Variants in CDH2 observed in about 807,000 individuals in gnomAD.
CDH2 encodes cadherin-2.
CDH2 carries 17 observed loss-of-function variants against 92.0 expected under a neutral mutation model. The observed-to-expected ratio is 0.18, with a 90% CI of 0.13 to 0.28. The LOEUF (loss-of-function observed/expected upper bound fraction) is 0.28, where lower values mean the gene tolerates loss of function less well. Among genes scored for constraint, CDH2 ranks in the 10% least tolerant of loss-of-function variants. The pLI, the probability that CDH2 is intolerant of heterozygous loss-of-function variation, is 1.00. For missense variants in CDH2, 862 were observed against 1,133.1 expected (o/e 0.76, Z 3.44); for synonymous variants, 419 against 415.9 (o/e 1.01, Z -0.09).
intron 6 of CDH2, among the ~76,000 whole-genome samples, chr18:27,934,244 G>A (rs1032996741): frequency 1.2e-4 from 18 of 152,188 alleles, no homozygotes; most frequent in Admixed American, 3.3e-4. Context: ...ATTTTAGGTC[G>A]TTTATGCTGC....
In CDH2 at chr18:27,990,198, G is replaced by A; in HGVS notation, c.1497C>T (p.Pro499=). Reference sequence around the variant, plus strand: ...CTTCTTGGCGAATGATCTTAGGATTGGGGGCAAAATAAGGGTTTTCATTTA... The same window carrying A: ...CTTCTTGGCGAATGATCTTAGGATTAGGGGCAAAATAAGGGTTTTCATTTA... The part of the protein sequence containing the change: ...IDVNENPYFA[P]NPKIIRQEEG... Residue 499 remains proline, a synonymous_variant, in exon 10 of 16, where the codon CCC becomes CCT. Transcript: ENST00000269141. 6.2e-7 allele frequency: 1 copy of A among 1,614,074 alleles called. No homozygotes were observed. Among genetic ancestry groups the A allele is most frequent in the Non-Finnish European group, 8.5e-7 (1 of 1,179,962 alleles).
intron 1 of CDH2, among the ~76,000 whole-genome samples, chr18:28,157,037 G>T (rs1210109083): frequency 1.3e-5 from 2 of 152,198 alleles, no homozygotes; most frequent in African/African-American, 4.8e-5. Flanking sequence ...GATGCTTAAT[G>T]TAACAGGTAG....
chr18:28,018,950 G>T (rs1373488302), intron 2 of CDH2, among the ~76,000 whole-genome samples: 1 of 150,932 alleles, frequency 6.6e-6, no homozygotes, highest in Non-Finnish European at 1.5e-5. Flanking sequence ...TGCACACCAC[G>T]GGATACTACT....
intron 7 of CDH2, among the ~76,000 whole-genome samples, chr18:27,995,875 C>T (rs1187458666): frequency 6.6e-6 from 1 of 152,060 alleles, no homozygotes; most frequent in Non-Finnish European, 1.5e-5. Context: ...ATTGCTAAAA[C>T]ATTCTTATAT....
intron 2 of CDH2, among the ~76,000 whole-genome samples, chr18:28,051,171 T>A (rs2014183313): frequency 6.6e-6 from 1 of 152,130 alleles, no homozygotes; most frequent in South Asian, 2.1e-4. Flanking sequence ...TATATTATTG[T>A]TAATATTTCT....
At chr18:28,062,731 T>C (rs1359134013) in intron 2 of CDH2, among the ~76,000 whole-genome samples, 1 of 152,182 alleles carries the variant, frequency 6.6e-6, no homozygotes, top group African/African-American at 2.4e-5. Flanking sequence ...CCCAGCACTT[T>C]AGAAGTCCAA....
chr18:28,003,167 T>C lies in CDH2; in HGVS notation c.850A>G (p.Thr284Ala). ...GTVPEGSKPG[T>A]YVMTVTAIDA... ...ATTGCTGTTACGGTCATCACATATG[T>C]TCCTAGAGACAGTGTACATGGAAAA... Residue 284 changes from threonine (T) to alanine (A), a missense_variant and splice_region_variant, in exon 7 of 16, where the codon ACA (threonine) becomes GCA (alanine). Thr to Ala is a moderately conservative substitution (Grantham distance 58). This residue lies in a region of CDH2 where 564 missense variants were observed against 722.2 expected (regional missense o/e 0.78). Transcript: ENST00000269141. 1 of 1,613,072 alleles carries C rather than the reference T, an allele frequency of 6.2e-7. No homozygotes were observed. The highest frequency in any genetic ancestry group is 2.2e-5 in the East Asian group (1 of 44,832).
At chr18:28,099,127 G>A (rs1229583807) in intron 2 of CDH2, among the ~76,000 whole-genome samples, 1 of 152,036 alleles carries the variant, frequency 6.6e-6, no homozygotes, top group African/African-American at 2.4e-5. Flanking sequence ...TGACATATCT[G>A]ATTACCTATT....
At chr18:28,112,652 T>C (rs994647966) in intron 2 of CDH2, among the ~76,000 whole-genome samples, 1 of 152,194 alleles carries the variant, frequency 6.6e-6, no homozygotes. Flanking sequence ...TGTAGGCTCT[T>C]ATAAATATCT....
chr18:27,985,192 C>G lies in CDH2; in HGVS notation c.2017G>C (p.Ala673Pro). The stretch of plus-strand genomic sequence containing the variant: ...ATGATGGGAACTTCATAGATACCAG[C>G]TTCAAGAAATTTTATCTTTAAATTA... ...QLNLKIKFLE[A>P]GIYEVPIIIT... Residue 673 changes from alanine (A) to proline (P), a missense_variant, in exon 13 of 16, where the codon GCT becomes CCT. This residue lies in a region of CDH2 where 564 missense variants were observed against 722.2 expected (regional missense o/e 0.78). Transcript: ENST00000269141. 6.2e-7 allele frequency: 1 copy of G among 1,612,926 alleles called. No homozygotes were observed. The highest frequency in any genetic ancestry group is 8.5e-7 in the Non-Finnish European group (1 of 1,178,978).
chr18:28,034,957 C>G (rs776031281), intron 2 of CDH2, among the ~76,000 whole-genome samples: 1 of 151,882 alleles, frequency 6.6e-6, no homozygotes, highest in Non-Finnish European at 1.5e-5. Context: ...TTTGGAACTA[C>G]CTAATAAGGA....
chr18:28,003,417 T>C lies in CDH2; in HGVS notation c.848-248A>G, dbSNP rs189234574. Among the ~76,000 whole-genome samples the C allele has an allele frequency of 3.3e-5, 5 of 152,318 alleles. 1 individual carries two copies. The highest frequency in any genetic ancestry group is 3.3e-4 in the Admixed American group (5 of 15,302). On this transcript the variant is annotated intron_variant, in intron 6 of 15. Transcript: ENST00000269141. The stretch of plus-strand genomic sequence containing the variant: ...TATTTATAAAAACTCAATTTTTCCA[T>C]AACTTAGAAGATAAATTCACTTTAT...
intron 2 of CDH2, among the ~76,000 whole-genome samples, chr18:28,122,375 C>T (rs1195211772): frequency 1.3e-5 from 2 of 152,094 alleles, no homozygotes; most frequent in Middle Eastern, 6.3e-3. Context: ...ACAGCAGGTG[C>T]TGCCTTTTTT....
chr18:28,156,422 A>AATGTCACCTTCCCAGGTACAGC (rs1568020378), intron 1 of CDH2, among the ~76,000 whole-genome samples: 21 of 118,470 alleles, frequency 1.8e-4, no homozygotes, highest in African/African-American at 6.3e-4. Context: ...CCAGGTACAG[A>AATGTCACCTTCCCAGGTACAGC]ATGTCACCTT....
intron 6 of CDH2, among the ~76,000 whole-genome samples, chr18:28,004,426 CA>C (rs1317474835): frequency 2.0e-4 from 31 of 152,188 alleles, no homozygotes; most frequent in African/African-American, 7.5e-4. Flanking sequence ...AGGATGTTTT[CA>C]AACTTATAGA....
At chr18:28,004,971 A>T (rs1022138206) in intron 6 of CDH2, among the ~76,000 whole-genome samples, 1 of 152,212 alleles carries the variant, frequency 6.6e-6, no homozygotes, top group African/African-American at 2.4e-5. Context: ...ACTGGTGTCA[A>T]TGACAAAGGT....
intron 2 of CDH2, among the ~76,000 whole-genome samples, chr18:28,096,567 C>A (rs1284781746): frequency 6.6e-6 from 1 of 152,006 alleles, no homozygotes; most frequent in Non-Finnish European, 1.5e-5. Flanking sequence ...TCCAAAAATA[C>A]ACCACAAGAA....
At chr18:28,152,044 A>T (rs2016131270) in intron 1 of CDH2, among the ~76,000 whole-genome samples, 1 of 152,244 alleles carries the variant, frequency 6.6e-6, no homozygotes, top group Non-Finnish European at 1.5e-5. Flanking sequence ...GAAAATGTAA[A>T]AAATATTCTT....
intron 14 of CDH2, among the ~76,000 whole-genome samples, chr18:27,970,404 C>T (rs1310618043): frequency 1.3e-5 from 2 of 152,176 alleles, no homozygotes; most frequent in East Asian, 3.9e-4. Context: ...ATTAATTCAT[C>T]TCAGAGAAAA....
Sources: gnomAD v4.1 joint callset for allele counts (sites outside exome capture counted in the v4.1 genomes callset) on GRCh38, gnomAD v4.1.1 for gene constraint, gnomAD v4.1.1 regional missense constraint, MANE v1.5 for transcripts, NCBI Gene and HGNC (gene_info 2026-07-23, HGNC 2026-07-21) for gene names.